Variants in MED13L observed in about 807,000 individuals in gnomAD.
MED13L encodes the protein mediator of RNA polymerase II transcription subunit 13-like.
MED13L carries 7 observed loss-of-function variants against 220.9 expected under a neutral mutation model. The ratio of observed to expected loss-of-function variants is 0.03; its 90% CI spans 0.02 to 0.06. The LOEUF (loss-of-function observed/expected upper bound fraction) is 0.06. Among genes scored for constraint, MED13L ranks in the 10% least tolerant of loss-of-function variants. The pLI, the probability that MED13L is intolerant of heterozygous loss-of-function variation, is 1.00. For missense variants in MED13L, 1,965 were observed against 2,760.5 expected (o/e 0.71, Z 6.46); for synonymous variants, 1,011 against 1,015.2 (o/e 1.00, Z 0.08).
intron 2 of MED13L, among the ~76,000 whole-genome samples, chr12:116,223,088 C>A (rs981846111): frequency 6.6e-6 from 1 of 152,190 alleles, no homozygotes; most frequent in Non-Finnish European, 1.5e-5. Context: ...TATTACTTAT[C>A]ATTGCCATGC....
chr12:116,114,516 A>T (rs1874355273), intron 2 of MED13L, among the ~76,000 whole-genome samples: 1 of 152,200 alleles, frequency 6.6e-6, no homozygotes, highest in African/African-American at 2.4e-5. Flanking sequence ...AACAAAAAAA[A>T]CTTGAGAGTG....
intron 4 of MED13L, among the ~76,000 whole-genome samples, chr12:116,068,383 T>C (rs554238347): frequency 6.6e-6 from 1 of 152,352 alleles, no homozygotes; most frequent in Non-Finnish European, 1.5e-5. Context: ...GATAATATGA[T>C]CTGTAGAGCT....
intron 2 of MED13L, among the ~76,000 whole-genome samples, chr12:116,197,782 G>GA (rs397964346): frequency 0.075 from 10,572 of 140,960 alleles, 429 homozygotes; most frequent in Middle Eastern, 0.12. Context: ...AGAAAAAAAG[G>GA]AAAAAAAAAA....
chr12:116,052,248 A>G (rs976541555), intron 4 of MED13L, among the ~76,000 whole-genome samples: 7 of 152,238 alleles, frequency 4.6e-5, no homozygotes, highest in African/African-American at 1.7e-4. Flanking sequence ...GTTAGCTCAA[A>G]GACATGACCT....
At chr12:116,041,762 G>A (rs1336693784) in intron 4 of MED13L, among the ~76,000 whole-genome samples, 1 of 152,164 alleles carries the variant, frequency 6.6e-6, no homozygotes, top group Non-Finnish European at 1.5e-5. Context: ...CTGAACCCGA[G>A]AGCCGGAGAT....
chr12:116,258,376 C>T (rs1565953897), intron 1 of MED13L, among the ~76,000 whole-genome samples: 1 of 152,134 alleles, frequency 6.6e-6, no homozygotes, highest in African/African-American at 2.4e-5. Flanking sequence ...TGCACGCCTG[C>T]AGCAAGCACT....
At chr12:116,093,011 C>T (rs568962659) in intron 4 of MED13L, among the ~76,000 whole-genome samples, 35 of 152,160 alleles carry the variant, frequency 2.3e-4, no homozygotes, top group South Asian at 8.3e-4. Context: ...TAAACTGTTT[C>T]CTAAAAATGA....
At chr12:116,153,651 T>C (rs749072555) in intron 2 of MED13L, among the ~76,000 whole-genome samples, 5 of 152,114 alleles carry the variant, frequency 3.3e-5, no homozygotes, top group Non-Finnish European at 7.4e-5. Context: ...AGGAAGTAAA[T>C]GATTCCTTTT....
intron 23 of MED13L, among the ~76,000 whole-genome samples, chr12:115,978,307 G>T (rs1259944318): frequency 3.3e-5 from 5 of 150,728 alleles, no homozygotes; most frequent in African/African-American, 1.2e-4. Flanking sequence ...AAAAACCACT[G>T]AACTGTACAA....
rs757359386 is a variant in MED13L, at chr12:116,005,988, G to C, written c.2350C>G (p.Arg784Gly). 1.2e-6 allele frequency: 2 copies of C among 1,613,844 alleles called. No individual in the cohort carries two copies. Among genetic ancestry groups the C allele is most frequent in the South Asian group, 1.1e-5 (1 of 91,070 alleles). The stretch of plus-strand genomic sequence containing the variant: ...GCTCTGCCAGCAGCATTATCCTGCC[G>C]GACATCTGTAGGAAAGGAGGCAAAA... ...IFSSATKTDV[R>G]QDNAAGRAGS... The change falls in exon 13 of 31, where the codon CGG becomes GGG. Residue 784 changes from arginine to glycine, a missense_variant. Arg to Gly is a moderately radical substitution (Grantham distance 125). This residue lies in a region of MED13L where 818 missense variants were observed against 1,041.2 expected (regional missense o/e 0.79). Coordinates refer to ENST00000281928, the MANE Select transcript of MED13L (RefSeq NM_015335.5).
chr12:116,237,969 T>C (rs118175442), intron 1 of MED13L, among the ~76,000 whole-genome samples: 2,206 of 152,316 alleles, frequency 0.014, 27 homozygotes, highest in Middle Eastern at 0.051. Flanking sequence ...TTGAATAATT[T>C]AATTTGTCTA....
intron 1 of MED13L, among the ~76,000 whole-genome samples, chr12:116,260,604 T>C (rs80062815): frequency 0.078 from 11,870 of 152,078 alleles, 484 homozygotes; most frequent in South Asian, 0.097. Context: ...AAACAAAGAA[T>C]AGAATGATAG....
At position 116,022,441 on chromosome 12, in the gene MED13L, A is replaced by C. The variant is rs769590492; in HGVS notation, c.625+15T>G. 8.7e-6 allele frequency: 14 copies of C among 1,613,338 alleles called. No homozygotes were observed. In the Admixed American group the frequency reaches 2.3e-4, roughly 27 times the overall value. The stretch of plus-strand genomic sequence containing the variant: ...GTGGCGGATAGGGGTGGAGAGCAGG[A>C]ACACCCATACTTACCTTGAAATGGT... On this transcript the variant is annotated intron_variant, in intron 5 of 30. Transcript: ENST00000281928.
At chr12:116,115,507 A>C (rs1297455408) in intron 2 of MED13L, among the ~76,000 whole-genome samples, 1 of 152,198 alleles carries the variant, frequency 6.6e-6, no homozygotes, top group African/African-American at 2.4e-5. Context: ...AGTTTCATCA[A>C]AATGAAGAAC....
chr12:116,199,328 C>A (rs1385506701), intron 2 of MED13L, among the ~76,000 whole-genome samples: 1 of 152,192 alleles, frequency 6.6e-6, no homozygotes, highest in Admixed American at 6.5e-5. Flanking sequence ...CCAATCTCAG[C>A]CATTTCTGCT....
intron 2 of MED13L, among the ~76,000 whole-genome samples, chr12:116,219,964 T>C (rs1883214025): frequency 6.6e-6 from 1 of 151,988 alleles, no homozygotes; most frequent in South Asian, 2.1e-4. Flanking sequence ...GCCCAGCTAA[T>C]TTTTGTATTT....
chr12:116,087,909 C>T (rs887147202), intron 4 of MED13L, among the ~76,000 whole-genome samples: 67 of 152,122 alleles, frequency 4.4e-4, no homozygotes, highest in African/African-American at 1.0e-3. Flanking sequence ...TGGTATGCAA[C>T]GTCAAGTTTT....
At chr12:116,241,987 T>C (rs1457186493) in intron 1 of MED13L, among the ~76,000 whole-genome samples, 1 of 151,962 alleles carries the variant, frequency 6.6e-6, no homozygotes, top group Non-Finnish European at 1.5e-5. Flanking sequence ...GAGTAAAATG[T>C]CTTCATAGAC....
intron 1 of MED13L, among the ~76,000 whole-genome samples, chr12:116,268,705 T>C (rs1240557891): frequency 1.3e-5 from 2 of 152,194 alleles, no homozygotes; most frequent in Non-Finnish European, 2.9e-5. Context: ...CAATAATTCT[T>C]ATTCAGTTTA....
Sources: gnomAD v4.1 joint callset for allele counts (sites outside exome capture counted in the v4.1 genomes callset) on GRCh38, gnomAD v4.1.1 for gene constraint, gnomAD v4.1.1 regional missense constraint, MANE v1.5 for transcripts, NCBI Gene and HGNC (gene_info 2026-07-23, HGNC 2026-07-21) for gene names.